NKAIN2: variants seen among roughly 807,000 people sequenced by gnomAD.
NKAIN2 encodes the protein sodium/potassium-transporting ATPase subunit beta-1-interacting protein 2.
NKAIN2 carries 14 observed loss-of-function variants against 32.6 expected under a neutral mutation model. The observed-to-expected ratio is 0.43, with a 90% CI of 0.28 to 0.67. NKAIN2 has a LOEUF of 0.67. Among genes scored for constraint, NKAIN2 ranks in the 30% least tolerant of loss-of-function variants. The probability of loss-of-function intolerance (pLI) is 0.17; values close to 1 mark genes in which losing one functional copy is unlikely to be tolerated. For synonymous variants in NKAIN2, 80 were observed against 87.2 expected (o/e 0.92, Z 0.46); for missense variants, 198 against 258.3 (o/e 0.77, Z 1.60).
At chr6:123,972,974 A>G (rs1778409551) in intron 1 of NKAIN2, among the ~76,000 whole-genome samples, 1 of 152,170 alleles carries the variant, frequency 6.6e-6, no homozygotes, top group Admixed American at 6.5e-5. Flanking sequence ...AGTTAATACT[A>G]TCAAAATTAA....
At chr6:124,681,860 A>G (rs1029067763) in intron 4 of NKAIN2, among the ~76,000 whole-genome samples, 4 of 152,090 alleles carry the variant, frequency 2.6e-5, no homozygotes. Flanking sequence ...AGAAATAGAA[A>G]TAAAAATTTA....
chr6:124,740,708 T>C (rs180978145), intron 4 of NKAIN2, among the ~76,000 whole-genome samples: 10 of 151,792 alleles, frequency 6.6e-5, no homozygotes, highest in Non-Finnish European at 1.2e-4. Flanking sequence ...TTTGCCGTTC[T>C]AAGAAACTAT....
chr6:124,408,161 A>C (rs1049955125), intron 3 of NKAIN2, among the ~76,000 whole-genome samples: 1 of 151,988 alleles, frequency 6.6e-6, no homozygotes, highest in East Asian at 1.9e-4. Flanking sequence ...GTTCACTCTG[A>C]TGGTAGTTTG....
intron 2 of NKAIN2, among the ~76,000 whole-genome samples, chr6:124,339,784 C>G (rs1047718262): frequency 6.6e-6 from 1 of 152,078 alleles, no homozygotes; most frequent in Non-Finnish European, 1.5e-5. Flanking sequence ...ATGTGAATAT[C>G]TTCGAGAGAG....
chr6:124,189,534 C>T (rs192353088), intron 1 of NKAIN2, among the ~76,000 whole-genome samples: 350 of 152,040 alleles, frequency 2.3e-3, no homozygotes, highest in Non-Finnish European at 4.6e-3. Context: ...TCTGTCTCTA[C>T]GAAAAATACA....
chr6:124,584,421 G>A (rs1388154046), intron 3 of NKAIN2, among the ~76,000 whole-genome samples: 1 of 152,116 alleles, frequency 6.6e-6, no homozygotes. Context: ...GGAGGCTGAG[G>A]CACATGGATC....
chr6:124,103,824 A>T (rs896434864), intron 1 of NKAIN2, among the ~76,000 whole-genome samples: 3 of 152,162 alleles, frequency 2.0e-5, no homozygotes, highest in Admixed American at 2.0e-4. Flanking sequence ...GCGGTGGCTC[A>T]TGCCTGTAAT....
At chr6:124,334,203 C>G (rs1015125180) in intron 2 of NKAIN2, among the ~76,000 whole-genome samples, 1 of 152,140 alleles carries the variant, frequency 6.6e-6, no homozygotes, top group Non-Finnish European at 1.5e-5. Flanking sequence ...TTTTATTTCT[C>G]TGCACTTCTC....
intron 4 of NKAIN2, among the ~76,000 whole-genome samples, chr6:124,774,715 G>A (rs1240212377): frequency 1.3e-5 from 2 of 152,030 alleles, no homozygotes; most frequent in Non-Finnish European, 2.9e-5. Context: ...AGTTATCTGG[G>A]CATGGTGGTG....
intron 3 of NKAIN2, among the ~76,000 whole-genome samples, chr6:124,464,318 A>C (rs1294661233): frequency 1.3e-5 from 2 of 152,018 alleles, no homozygotes; most frequent in African/African-American, 4.8e-5. Flanking sequence ...AGAGTCCTTA[A>C]CGAAGTAAGA....
intron 1 of NKAIN2, among the ~76,000 whole-genome samples, chr6:124,058,124 G>A (rs1410600239): frequency 6.6e-6 from 1 of 151,142 alleles, no homozygotes; most frequent in Non-Finnish European, 1.5e-5. Flanking sequence ...TTGTGTTTAG[G>A]AACTCTGAAG....
intron 2 of NKAIN2, among the ~76,000 whole-genome samples, chr6:124,303,232 A>G (rs919520209): frequency 6.6e-6 from 1 of 152,242 alleles, no homozygotes; most frequent in Admixed American, 6.5e-5. Flanking sequence ...TAAACAGAAA[A>G]TCTTCCATGA....
chr6:123,830,765 G>C (rs1774345596), intron 1 of NKAIN2, among the ~76,000 whole-genome samples: 1 of 152,190 alleles, frequency 6.6e-6, no homozygotes. Flanking sequence ...AGTAAGCAGG[G>C]ATTGTGTTTT....
At chr6:124,232,489 A>G (rs1237818646) in intron 1 of NKAIN2, among the ~76,000 whole-genome samples, 2 of 152,190 alleles carry the variant, frequency 1.3e-5, no homozygotes, top group Non-Finnish European at 2.9e-5. Flanking sequence ...CAGTATATAG[A>G]TTCGATTGAA....
At chr6:124,764,112 T>C (rs1231987960) in intron 4 of NKAIN2, among the ~76,000 whole-genome samples, 2 of 152,192 alleles carry the variant, frequency 1.3e-5, no homozygotes, top group African/African-American at 2.4e-5. Flanking sequence ...TGGAAGAAAC[T>C]AGTCTTTTTT....
intron 1 of NKAIN2, among the ~76,000 whole-genome samples, chr6:123,948,597 A>ATTTTTTTT (rs71021472): frequency 2.1e-3 from 103 of 49,314 alleles, no homozygotes; most frequent in East Asian, 5.1e-3. Flanking sequence ...CTTAAATGGG[A>ATTTTTTTT]TTTTTTTTTT....
At chr6:124,162,192 ATACCTGC>A (rs1788315800) in intron 1 of NKAIN2, among the ~76,000 whole-genome samples, 3 of 152,056 alleles carry the variant, frequency 2.0e-5, no homozygotes, top group Admixed American at 2.0e-4. Context: ...ATATGAGTGT[ATACCTGC>A]AGGATTATGT....
chr6:124,389,748 T>G (rs76192967), intron 3 of NKAIN2, among the ~76,000 whole-genome samples: 54 of 121,222 alleles, frequency 4.5e-4, no homozygotes, highest in East Asian at 2.4e-3. Context: ...TGTGTGTGTG[T>G]GTGGGTTTGA....
chr6:124,451,566 G>A (rs1017137714), intron 3 of NKAIN2, among the ~76,000 whole-genome samples: 2 of 152,220 alleles, frequency 1.3e-5, no homozygotes, highest in African/African-American at 4.8e-5. Flanking sequence ...AAGAGGATGA[G>A]AGACCAATTA....
Sources: allele counts gnomAD v4.1 joint callset (sites outside exome capture counted in the v4.1 genomes callset), GRCh38; gene constraint gnomAD v4.1.1; transcripts MANE v1.5; gene names NCBI Gene and HGNC (gene_info 2026-07-23, HGNC 2026-07-21).